The following SNX29 variants were observed in gnomAD, a reference collection of about 807,000 sequenced individuals.
SNX29 encodes sorting nexin-29.
Under a neutral mutation model 102.1 loss-of-function variants are expected in SNX29, and 78 were observed. That is an observed-to-expected ratio of 0.76 (90% confidence interval 0.64 to 0.92). SNX29 has a LOEUF of 0.92. SNX29 is among the 40% of genes least tolerant of loss of function. The probability of loss-of-function intolerance (pLI) is 0.00; values close to 1 mark genes in which losing one functional copy is unlikely to be tolerated. For missense variants in SNX29, 1,280 were observed against 1,061.7 expected (o/e 1.21, Z -2.86); for synonymous variants, 580 against 414.5 (o/e 1.40, Z -4.85).
At chr16:12,260,864 G>T (rs187455516) in intron 14 of SNX29, among the ~76,000 whole-genome samples, 2,105 of 150,412 alleles carry the variant, frequency 0.014, 33 homozygotes, top group South Asian at 0.04. Context: ...TGTTTGCTCT[G>T]AGCTTGGGTC....
At chr16:12,243,583 A>G (rs1217355516) in intron 14 of SNX29, among the ~76,000 whole-genome samples, 1 of 152,164 alleles carries the variant, frequency 6.6e-6, no homozygotes, top group Non-Finnish European at 1.5e-5. Flanking sequence ...GACCTGTTTC[A>G]TGGAAGACAA....
intron 20 of SNX29, among the ~76,000 whole-genome samples, chr16:12,541,574 C>T (rs1008521246): frequency 2.0e-5 from 3 of 152,160 alleles, no homozygotes; most frequent in Non-Finnish European, 2.9e-5. Context: ...AAATTGCTCT[C>T]CATGCCAGAC....
At chr16:12,493,643 C>T (rs1211407855) in intron 19 of SNX29, among the ~76,000 whole-genome samples, 1 of 152,196 alleles carries the variant, frequency 6.6e-6, no homozygotes, top group Non-Finnish European at 1.5e-5. Context: ...CCAGGCTGGA[C>T]TGCAGTGGCA....
At chr16:12,526,432 T>C in intron 20 of SNX29, 1 of 406,946 alleles carries the variant, frequency 2.5e-6, no homozygotes, top group Non-Finnish European at 4.8e-6. Flanking sequence ...TCCGGGGTTT[T>C]TGTGAGAAGA....
chr16:12,042,727 T>C (rs1641835), intron 4 of SNX29, among the ~76,000 whole-genome samples, 170 bp from the exon 5 acceptor site: 105,650 of 152,200 alleles, frequency 0.69, 37,375 homozygotes, highest in African/African-American at 0.8. Context: ...CAGTCCACTA[T>C]TGATGGGTAT....
At chr16:12,025,484 C>T (rs1358801612) in intron 3 of SNX29, among the ~76,000 whole-genome samples, 1 of 152,044 alleles carries the variant, frequency 6.6e-6, no homozygotes, top group East Asian at 1.9e-4. Context: ...ATTTGTGGAA[C>T]ACACATTATA....
intron 19 of SNX29, among the ~76,000 whole-genome samples, chr16:12,524,206 CT>C (rs1245960670): frequency 1.3e-5 from 2 of 152,154 alleles, no homozygotes; most frequent in Non-Finnish European, 2.9e-5. Flanking sequence ...AAACCTCTTT[CT>C]TAATCAGTGG....
intron 20 of SNX29, among the ~76,000 whole-genome samples, chr16:12,538,966 TGATATAAATAGGGAGAA>T (rs1411760941): frequency 2.6e-5 from 4 of 151,974 alleles, no homozygotes; most frequent in Admixed American, 1.3e-4. Flanking sequence ...CTAAGGCAAG[TGATATAAATAGGGAGAA>T]GATAGAACAG....
intron 11 of SNX29, chr16:12,093,986 A>T (rs2052666828): frequency 6.6e-6 from 1 of 152,178 alleles, no homozygotes; most frequent in South Asian, 2.1e-4. Flanking sequence ...TCGTGGTATC[A>T]TTATTTTTGT....
At chr16:12,560,665 GC>G (rs1344070251) in intron 20 of SNX29, 6 of 156,126 alleles carry the variant, frequency 3.8e-5, no homozygotes, top group African/African-American at 1.4e-4. Context: ...CATCTTGGGG[GC>G]TGGGCTTGGA....
chr16:12,161,772 C>T (rs115489571), intron 13 of SNX29, among the ~76,000 whole-genome samples: 65,331 of 151,480 alleles, frequency 0.43, 18,575 homozygotes, highest in African/African-American at 0.82. Flanking sequence ...TCCCTGCCCG[C>T]CCTTCTTCTC....
At chr16:12,054,648 C>A (rs7202375) in intron 8 of SNX29, among the ~76,000 whole-genome samples, 58,016 of 152,082 alleles carry the variant, frequency 0.38, 11,528 homozygotes, top group Middle Eastern at 0.49. Context: ...TCACCACACC[C>A]CCAGCTTTCC....
At chr16:12,120,782 G>C (rs2053940886) in intron 11 of SNX29, among the ~76,000 whole-genome samples, 1 of 152,154 alleles carries the variant, frequency 6.6e-6, no homozygotes, top group Admixed American at 6.5e-5. Flanking sequence ...CGGTTTTGTA[G>C]GCTCGTCCTG....
intron 20 of SNX29, among the ~76,000 whole-genome samples, chr16:12,530,704 C>T (rs186098108): frequency 4.6e-5 from 7 of 152,152 alleles, no homozygotes; most frequent in Admixed American, 1.3e-4. Context: ...TACAAGTGGC[C>T]GCTACCATGC....
intron 15 of SNX29, among the ~76,000 whole-genome samples, chr16:12,298,634 T>C (rs990548461): frequency 2.3e-4 from 35 of 152,338 alleles, no homozygotes; most frequent in Admixed American, 9.1e-4. Flanking sequence ...TTTTAGATTT[T>C]CCTGCCAATG....
intron 13 of SNX29, among the ~76,000 whole-genome samples, chr16:12,193,405 G>T (rs974784751): frequency 6.7e-6 from 1 of 148,438 alleles, no homozygotes; most frequent in Admixed American, 6.9e-5. Context: ...GGAGGTGAAG[G>T]TTGTAGTGAG....
intron 11 of SNX29, among the ~76,000 whole-genome samples, chr16:12,114,030 T>C (rs117548061): frequency 0.01 from 1,537 of 152,340 alleles, 24 homozygotes; most frequent in Non-Finnish European, 0.011. Context: ...TCCTTGTCTG[T>C]TACTTGCCGT....
At chr16:12,538,909 A>C (rs1468088658) in intron 20 of SNX29, among the ~76,000 whole-genome samples, 2 of 150,246 alleles carry the variant, frequency 1.3e-5, no homozygotes, top group African/African-American at 5.0e-5. Context: ...GACCTGTTCT[A>C]AGTGGGAGAA....
Position 12,477,729 on chromosome 16 carries a change from G to A in SNX29, c.2048G>A (p.Arg683Gln), listed in dbSNP as rs758488538. 5.0e-6 allele frequency: 8 copies of A among 1,611,302 alleles called. No homozygotes were observed. Among genetic ancestry groups the A allele is most frequent in the South Asian group, 2.2e-5 (2 of 90,638 alleles). Residue 683 changes from arginine to glutamine, a missense_variant, in exon 19 of 21, where the codon CGG (arginine) becomes CAG (glutamine). Arg to Gln is a conservative substitution (Grantham distance 43, BLOSUM62 1). Coordinates refer to ENST00000566228, the MANE Select transcript of SNX29 (RefSeq NM_032167.5). ...TCTCTTTCTTGACAGGTCTACATCCGGATAAAAGACGATGAATGGAATATT... is the reference window on the plus strand; with the variant it reads ...TCTCTTTCTTGACAGGTCTACATCCAGATAAAAGACGATGAATGGAATATT... Reference protein sequence around the residue: ...NAFHVYQVYIRIKDDEWNIYR... With the variant: ...NAFHVYQVYIQIKDDEWNIYR...
Sources: gnomAD v4.1 joint callset for allele counts (sites outside exome capture counted in the v4.1 genomes callset) on GRCh38, gnomAD v4.1.1 for gene constraint, MANE v1.5 for transcripts, NCBI Gene and HGNC (gene_info 2026-07-23, HGNC 2026-07-21) for gene names.